EFCAB11: variants seen among roughly 807,000 people sequenced by gnomAD.
The protein encoded by EFCAB11 is EF-hand calcium-binding domain-containing protein 11.
EFCAB11 carries 14 observed loss-of-function variants against 23.0 expected under a neutral mutation model. That is an observed-to-expected ratio of 0.61 (90% CI 0.40 to 0.95). The LOEUF (loss-of-function observed/expected upper bound fraction) is 0.95. Among genes scored for constraint, EFCAB11 ranks in the 40% least tolerant of loss-of-function variants. The pLI is 0.00. For synonymous variants in EFCAB11, 65 were observed against 66.6 expected, an observed-to-expected ratio of 0.98 and a Z score of 0.11; for missense variants, 198 against 195.8, an observed-to-expected ratio of 1.01 and a Z score of -0.07.
At chr14:89,847,852 C>G (rs950731620) in intron 5 of EFCAB11, among the ~76,000 whole-genome samples, 1 of 152,016 alleles carries the variant, frequency 6.6e-6, no homozygotes, top group Non-Finnish European at 1.5e-5. Flanking sequence ...GCTGTCTGGC[C>G]TTGAGAAAGA....
At chr14:89,885,617 C>T (rs1888730322) in intron 5 of EFCAB11, among the ~76,000 whole-genome samples, 1 of 149,540 alleles carries the variant, frequency 6.7e-6, no homozygotes, top group South Asian at 2.1e-4. Flanking sequence ...GTGGAGGTTG[C>T]AGTGAGCTGA....
intron 5 of EFCAB11, chr14:89,892,497 T>G: frequency 1.4e-6 from 2 of 1,388,520 alleles, no homozygotes; most frequent in Non-Finnish European, 1.9e-6. Flanking sequence ...CCTGGTGGGA[T>G]GGGGAATGTT....
At chr14:89,918,260 T>C (rs139456661) in intron 5 of EFCAB11, among the ~76,000 whole-genome samples, 1 of 152,178 alleles carries the variant, frequency 6.6e-6, no homozygotes, top group Non-Finnish European at 1.5e-5. Flanking sequence ...AAAGGAAGGC[T>C]GGGCGTGGTG....
chr14:89,844,701 C>T (rs983897147), intron 5 of EFCAB11, among the ~76,000 whole-genome samples: 1 of 152,252 alleles, frequency 6.6e-6, no homozygotes, highest in African/African-American at 2.4e-5. Context: ...TCCCCACACC[C>T]GATACCTGGT....
chr14:89,873,321 C>T (rs1275128763), intron 5 of EFCAB11, among the ~76,000 whole-genome samples: 2 of 152,146 alleles, frequency 1.3e-5, no homozygotes, highest in South Asian at 2.1e-4. Context: ...AATTACCTCC[C>T]ACCAGCTCAC....
intron 5 of EFCAB11, chr14:89,832,998 C>G (rs575237447): frequency 1.3e-5 from 2 of 152,172 alleles, no homozygotes; most frequent in Non-Finnish European, 2.9e-5. Flanking sequence ...CATCTATCCT[C>G]CTTTGAGCCA....
rs1177377067 is a variant in EFCAB11 at position 89,795,134 on chromosome 14, C to G, written c.*2109G>C. 1 of 151,618 alleles carries G rather than the reference C, an allele frequency of 6.6e-6. No individual in the cohort carries two copies. The highest frequency in any genetic ancestry group is 1.5e-5 in the Non-Finnish European group (1 of 67,902). 9.4% of individuals were successfully genotyped at this position (151,618 alleles called of 1,614,324 possible). ...CTGGGACTACAGGCACCTGCCACCA[C>G]GCCCAGCTAATCTTTTTTTGTTTTT... On this transcript the variant is annotated 3_prime_UTR_variant, in exon 6 of 6. Transcript: ENST00000316738.
intron 5 of EFCAB11, among the ~76,000 whole-genome samples, chr14:89,852,555 C>G (rs1299613464): frequency 6.6e-6 from 1 of 152,138 alleles, no homozygotes; most frequent in Non-Finnish European, 1.5e-5. Flanking sequence ...GAGCCTAGCC[C>G]AAGACACGTA....
chr14:89,917,010 C>T (rs1889865360), intron 5 of EFCAB11, among the ~76,000 whole-genome samples: 2 of 151,354 alleles, frequency 1.3e-5, no homozygotes, highest in Non-Finnish European at 2.9e-5. Flanking sequence ...TGTGTAATGA[C>T]TCACAGTCAA....
In EFCAB11 at chr14:89,947,930, C is replaced by G. The variant is rs116072599; in HGVS notation, c.217+2167G>C. ...GCTTTGACATAGTAAACTAACACTT[C>G]TCAAACATACTCAAAATTGAGCTCT... On this transcript the variant is annotated intron_variant, in intron 3 of 5. Transcript: ENST00000316738. Among the ~76,000 whole-genome samples, 358 of 152,202 alleles carry G rather than the reference C, an allele frequency of 2.4e-3. 1 individual carries two copies. Among genetic ancestry groups the G allele is most frequent in the African/African-American group, 7.9e-3 (328 of 41,502 alleles).
chr14:89,918,981 G>A lies in EFCAB11; in HGVS notation c.410+12560C>T, dbSNP rs1332514560. On this transcript the variant is annotated intron_variant, in intron 5 of 5. Transcript: ENST00000316738. ...TCTGCATGAAATGGAAGGCATTCTG[G>A]AATGACACAGGACCAGGGTGGGGGA... 2.0e-5 allele frequency among the ~76,000 whole-genome samples: 3 copies of A among 150,932 alleles called. No individual in the cohort carries two copies. The Admixed American group carries it at 2.0e-4, about 10-fold the overall frequency.
At chr14:89,949,755 AAAAG>A (rs1383282944) in intron 3 of EFCAB11, among the ~76,000 whole-genome samples, 1 of 152,162 alleles carries the variant, frequency 6.6e-6, no homozygotes, top group East Asian at 1.9e-4. Flanking sequence ...GGCAACTTAG[AAAAG>A]AAAGAAGTTT....
chr14:89,910,284 CA>C lies in EFCAB11; in HGVS notation c.410+21256del, dbSNP rs558161197. Among the ~76,000 whole-genome samples, 4 of 152,276 alleles carry C rather than the reference CA, an allele frequency of 2.6e-5. No individual in the cohort carries two copies. In the South Asian group the frequency reaches 8.3e-4, roughly 32 times the overall value. On this transcript the variant is annotated intron_variant, in intron 5 of 5. Transcript: ENST00000316738. ...GTGAGGTGAAGGCCACACATACAATCAGGGGTCTTGAGAGGATTTAAAATGT... is the reference window on the plus strand; with the variant it reads ...GTGAGGTGAAGGCCACACATACAATCGGGGTCTTGAGAGGATTTAAAATGT...
chr14:89,866,892 T>A (rs1451170805), intron 5 of EFCAB11, among the ~76,000 whole-genome samples: 1 of 152,216 alleles, frequency 6.6e-6, no homozygotes, highest in Non-Finnish European at 1.5e-5. Context: ...AACCTCAGTC[T>A]CCTGAGTAGC....
chr14:89,884,285 A>G (rs978713464), intron 5 of EFCAB11, among the ~76,000 whole-genome samples: 9 of 152,216 alleles, frequency 5.9e-5, no homozygotes, highest in Admixed American at 1.3e-4. Context: ...GGTAAAGGAG[A>G]AAAATATGAT....
chr14:89,954,536 G>A (rs1273225211), intron 1 of EFCAB11, 50 bp downstream of exon 1: 1 of 1,604,874 alleles, frequency 6.2e-7, no homozygotes, highest in African/African-American at 1.3e-5. Context: ...GGAAGCGAGA[G>A]GCCCAGGCCA....
At chr14:89,853,212 T>C (rs1887647657) in intron 5 of EFCAB11, among the ~76,000 whole-genome samples, 1 of 152,158 alleles carries the variant, frequency 6.6e-6, no homozygotes, top group African/African-American at 2.4e-5. Context: ...TAAAGTCAGC[T>C]AATTGGAGTA....
chr14:89,814,292 A>G (rs1409087073), intron 5 of EFCAB11, among the ~76,000 whole-genome samples: 1 of 152,142 alleles, frequency 6.6e-6, no homozygotes, highest in African/African-American at 2.4e-5. Context: ...CCTGCCAGCA[A>G]CACACGGTCT....
chr14:89,832,664 G>A (rs922149156), intron 5 of EFCAB11, among the ~76,000 whole-genome samples: 3 of 152,160 alleles, frequency 2.0e-5, no homozygotes, highest in Non-Finnish European at 4.4e-5. Flanking sequence ...GTTTAGCCTA[G>A]CCTATTTAAA....
Sources: gnomAD v4.1 joint callset for allele counts (sites outside exome capture counted in the v4.1 genomes callset) on GRCh38, gnomAD v4.1.1 for gene constraint, MANE v1.5 for transcripts, NCBI Gene and HGNC (gene_info 2026-07-23, HGNC 2026-07-21) for gene names.